The following SWAP70 variants were observed in gnomAD, a reference collection of about 807,000 sequenced individuals.
The protein encoded by SWAP70 is switching B cell complex subunit SWAP70, also known as switch-associated protein 70.
In SWAP70, 34 loss-of-function variants were observed where a neutral mutation model predicts 80.2. That is an observed-to-expected ratio of 0.42 (90% CI 0.32 to 0.56). SWAP70 has a LOEUF of 0.56. Among genes scored for constraint, SWAP70 ranks in the 20% least tolerant of loss-of-function variants. SWAP70 has a pLI of 0.09. For missense variants in SWAP70, 578 were observed against 690.7 expected (o/e 0.84, Z 1.83); for synonymous variants, 239 against 238.5 (o/e 1.00, Z -0.02).
intron 2 of SWAP70, among the ~76,000 whole-genome samples, chr11:9,707,246 A>G (rs925451386): frequency 2.0e-5 from 3 of 152,220 alleles, no homozygotes; most frequent in Admixed American, 6.5e-5. Context: ...ACATTATTGT[A>G]CAACAGAACT....
chr11:9,723,347 A>T (rs945101627), intron 3 of SWAP70, among the ~76,000 whole-genome samples: 1 of 152,180 alleles, frequency 6.6e-6, no homozygotes, highest in Non-Finnish European at 1.5e-5. Flanking sequence ...AGCAAAACTT[A>T]TCACAAAACA....
intron 4 of SWAP70, among the ~76,000 whole-genome samples, chr11:9,725,900 A>G (rs957230398): frequency 1.2e-5 from 1 of 82,132 alleles, no homozygotes; most frequent in Admixed American, 1.0e-4. Context: ...TTGGAAATTC[A>G]TAACCACTGA....
At chr11:9,712,985 C>T (rs1028370170) in intron 2 of SWAP70, among the ~76,000 whole-genome samples, 1 of 152,210 alleles carries the variant, frequency 6.6e-6, no homozygotes, top group Non-Finnish European at 1.5e-5. Context: ...GCATGGGCCA[C>T]CATGCCCAGC....
intron 2 of SWAP70, among the ~76,000 whole-genome samples, chr11:9,712,938 CCG>C (rs1424783434): frequency 6.6e-6 from 1 of 152,158 alleles, no homozygotes; most frequent in Non-Finnish European, 1.5e-5. Flanking sequence ...CTCAGGTGAT[CCG>C]CCTGCCTCGG....
At chr11:9,681,527 T>A (rs1850568358) in intron 1 of SWAP70, among the ~76,000 whole-genome samples, 1 of 152,216 alleles carries the variant, frequency 6.6e-6, no homozygotes, top group Admixed American at 6.5e-5. Context: ...TCTGATGATG[T>A]AGGTTTAATG....
chr11:9,714,424 G>C (rs1012123919), intron 3 of SWAP70, among the ~76,000 whole-genome samples: 2 of 152,132 alleles, frequency 1.3e-5, no homozygotes, highest in African/African-American at 2.4e-5. Flanking sequence ...TTAATGCCTG[G>C]CACATAGTAT....
chr11:9,728,267 C>T (rs1851252551), intron 5 of SWAP70, 68 bp downstream of exon 5: 31 of 1,398,276 alleles, frequency 2.2e-5, no homozygotes, highest in Admixed American at 7.5e-5. Context: ...TAGCTTCTCA[C>T]CTTCTTCCAC....
chr11:9,727,957 A>G lies in SWAP70; in HGVS notation c.643-96A>G, dbSNP rs1052457122. The stretch of plus-strand genomic sequence containing the variant: ...TTGGTGTTCATGTTTTCAGGATCAT[A>G]TATCAAATAATGGAGTAGGCAAGTA... On this transcript the variant is annotated intron_variant, in intron 4 of 11. Transcript: ENST00000318950. 3.4e-6 allele frequency: 4 copies of G among 1,175,332 alleles called. No homozygotes were observed. In the African/African-American group the frequency reaches 4.8e-5, roughly 14 times the overall value. 72.8% of individuals were successfully genotyped at this position (1,175,332 alleles called of 1,614,324 possible). A position where few individuals can be genotyped will look rare whatever the true frequency, so the allele number is the denominator to read the frequency against.
At chr11:9,690,134 C>T (rs1194850958) in intron 1 of SWAP70, among the ~76,000 whole-genome samples, 1 of 152,160 alleles carries the variant, frequency 6.6e-6, no homozygotes, top group Non-Finnish European at 1.5e-5. Flanking sequence ...TCTATTCTCC[C>T]TGTGGAGAGG....
Position 9,664,295 on chromosome 11 carries a change from C to T in SWAP70, c.99+17C>T. 1 of 1,551,552 alleles carries T rather than the reference C, an allele frequency of 6.4e-7. No individual in the cohort carries two copies. On this transcript the variant is annotated intron_variant, in intron 1 of 11. Transcript: ENST00000318950. ...CAGCTCAAGGTGGGCGCCTCCTGAC[C>T]CGGCCCCCCACCCGACCCTCCCCGG...
intron 2 of SWAP70, 70 bp downstream of exon 2, chr11:9,694,356 C>T (rs1464503035): frequency 2.7e-6 from 4 of 1,476,856 alleles, no homozygotes; most frequent in East Asian, 2.5e-5. Flanking sequence ...CCAAAAGCCC[C>T]CTGTTGGTGA....
intron 2 of SWAP70, among the ~76,000 whole-genome samples, chr11:9,708,547 C>T (rs1340349119): frequency 6.6e-6 from 1 of 152,152 alleles, no homozygotes; most frequent in Non-Finnish European, 1.5e-5. Flanking sequence ...TTCTAAACTC[C>T]TTGAACTGTT....
At chr11:9,665,534 G>GT (rs1230387428) in intron 1 of SWAP70, among the ~76,000 whole-genome samples, 1 of 152,112 alleles carries the variant, frequency 6.6e-6, no homozygotes, top group Non-Finnish European at 1.5e-5. Context: ...ACTCCCTGAT[G>GT]TTGCCCTGCC....
chr11:9,694,457 C>T (rs1850730851), intron 2 of SWAP70, among the ~76,000 whole-genome samples, 171 bp downstream of exon 2: 1 of 152,142 alleles, frequency 6.6e-6, no homozygotes, highest in Non-Finnish European at 1.5e-5. Flanking sequence ...ATTCTTCCCT[C>T]TCCTCCACTG....
chr11:9,702,606 T>G (rs1386063280), intron 2 of SWAP70, among the ~76,000 whole-genome samples: 2 of 152,030 alleles, frequency 1.3e-5, no homozygotes, highest in Non-Finnish European at 2.9e-5. Context: ...AACTTTTTTT[T>G]GCAGAGGTCT....
chr11:9,704,061 A>G (rs12803440), intron 2 of SWAP70, among the ~76,000 whole-genome samples: 33,344 of 152,188 alleles, frequency 0.22, 4,713 homozygotes, highest in Non-Finnish European at 0.31. Context: ...GTGTACAGTA[A>G]AATAGTTGTG....
At chr11:9,710,372 A>G (rs1850979072) in intron 2 of SWAP70, among the ~76,000 whole-genome samples, 1 of 152,116 alleles carries the variant, frequency 6.6e-6, no homozygotes, top group Admixed American at 6.6e-5. Context: ...CCTCCATGGG[A>G]TCACTTGTAT....
chr11:9,664,329 G>T (rs758920896), intron 1 of SWAP70, 51 bp downstream of exon 1: 5 of 1,529,074 alleles, frequency 3.3e-6, no homozygotes. Flanking sequence ...GGCGCGCTCT[G>T]TACTTCCCTT....
At chr11:9,715,620 G>A (rs1456882285) in intron 3 of SWAP70, among the ~76,000 whole-genome samples, 2 of 152,220 alleles carry the variant, frequency 1.3e-5, no homozygotes, top group Non-Finnish European at 2.9e-5. Context: ...GAAGGTGAAA[G>A]CATGTCTCAC....
Sources: allele counts gnomAD v4.1 joint callset (sites outside exome capture counted in the v4.1 genomes callset), GRCh38; gene constraint gnomAD v4.1.1; transcripts MANE v1.5; gene names NCBI Gene and HGNC (gene_info 2026-07-23, HGNC 2026-07-21).